LRIG2: variants seen among roughly 807,000 people sequenced by gnomAD.
LRIG2 encodes leucine-rich repeats and immunoglobulin-like domains protein 2.
LRIG2 carries 93 observed loss-of-function variants against 107.8 expected under a neutral mutation model. The ratio of observed to expected loss-of-function variants is 0.86; its 90% CI spans 0.73 to 1.03. The LOEUF (loss-of-function observed/expected upper bound fraction) is 1.03. LRIG2 is among the 50% of genes least tolerant of loss of function. The pLI, the probability that LRIG2 is intolerant of heterozygous loss-of-function variation, is 0.00. For missense variants in LRIG2, 1,226 were observed against 1,296.0 expected, an observed-to-expected ratio of 0.95 and a Z score of 0.83; for synonymous variants, 471 against 470.6, an observed-to-expected ratio of 1.00 and a Z score of -0.01.
At chr1:113,080,320 A>G (rs1194231650) in intron 1 of LRIG2, among the ~76,000 whole-genome samples, 3 of 146,052 alleles carry the variant, frequency 2.1e-5, no homozygotes, top group East Asian at 2.1e-4. Context: ...CCCCCAGCCT[A>G]TCAGGAGAAA....
chr1:113,089,676 CTTTTTTTTTTTT>C (rs35515644), intron 1 of LRIG2, among the ~76,000 whole-genome samples: 2 of 71,696 alleles, frequency 2.8e-5, no homozygotes, highest in Non-Finnish European at 5.1e-5. Flanking sequence ...AGGTGGATTG[CTTTTTTTTTTTT>C]TTTTTTTTTT....
At chr1:113,117,122 C>G (rs1036857848) in intron 16 of LRIG2, among the ~76,000 whole-genome samples, 7 of 152,198 alleles carry the variant, frequency 4.6e-5, no homozygotes, top group African/African-American at 1.2e-4. Context: ...CAGAGTTCTT[C>G]TCCCTCCACC....
rs536829104 is a variant in LRIG2 at position 113,130,510 on chromosome 1, C to T, written c.*6409C>T. The T allele has an allele frequency of 6.6e-6, 1 of 152,200 alleles. No homozygotes were observed. The highest frequency in any genetic ancestry group is 1.9e-4 in the East Asian group (1 of 5,182). 9.4% of individuals were successfully genotyped at this position (152,200 alleles called of 1,614,324 possible). A position where few individuals can be genotyped will look rare whatever the true frequency, so the allele number is the denominator to read the frequency against. ...TTGCTAATAAATTTTTGTGTAGGCT[C>T]TTTAGTAAATTTATCTGATAATGGA... On this transcript the variant is annotated 3_prime_UTR_variant, in exon 18 of 18. Transcript: ENST00000361127.
chr1:113,073,397 G>T lies in LRIG2; in HGVS notation c.-10G>T. The T allele has an allele frequency of 6.2e-7, 1 of 1,611,486 alleles. No individual in the cohort carries two copies. Among genetic ancestry groups the T allele is most frequent in the Non-Finnish European group, 8.5e-7 (1 of 1,177,952 alleles). ...AGCTCTTCTAGGCCACGTCCAGGTC[G>T]AGGGGGAAAATGGCGCCGGCGCCCC... On this transcript the variant is annotated 5_prime_UTR_variant, in exon 1 of 18. Transcript: ENST00000361127.
rs527329687 is a variant in LRIG2, at chr1:113,099,204, G to A, written c.1172+419G>A. On this transcript the variant is annotated intron_variant, in intron 9 of 17. Transcript: ENST00000361127. Reference sequence around the variant, plus strand: ...CCTGCTTCAGCCTCCCAAAGTGCCCGGATTATAGGTATGAGCCACTGAACT... The same window carrying A: ...CCTGCTTCAGCCTCCCAAAGTGCCCAGATTATAGGTATGAGCCACTGAACT... 2.2e-4 allele frequency among the ~76,000 whole-genome samples: 33 copies of A among 149,778 alleles called. 1 individual carries two copies. The South Asian group carries it at 5.5e-3, about 25-fold the overall frequency.
intron 17 of LRIG2, among the ~76,000 whole-genome samples, chr1:113,123,313 G>A (rs959820279): frequency 2.0e-5 from 3 of 152,102 alleles, no homozygotes; most frequent in Non-Finnish European, 4.4e-5. Context: ...GGTGGCTCAC[G>A]CCTGTAATCC....
At chr1:113,074,875 C>T (rs1652887974) in intron 1 of LRIG2, among the ~76,000 whole-genome samples, 1 of 138,162 alleles carries the variant, frequency 7.2e-6, no homozygotes, top group Non-Finnish European at 1.5e-5. Flanking sequence ...CGCCACTGCA[C>T]TCCAGCCTGA....
At chr1:113,083,269 A>G (rs1333450104) in intron 1 of LRIG2, among the ~76,000 whole-genome samples, 2 of 142,736 alleles carry the variant, frequency 1.4e-5, no homozygotes, top group African/African-American at 5.3e-5. Flanking sequence ...GGAACTCCTG[A>G]ACTCTAGTAA....
chr1:113,098,035 C>T (rs1041872033), intron 8 of LRIG2, among the ~76,000 whole-genome samples: 3 of 152,014 alleles, frequency 2.0e-5, no homozygotes, highest in African/African-American at 7.2e-5. Context: ...GAAGCAAAAG[C>T]GATTAAATAT....
chr1:113,112,235 G>A (rs1286274884), intron 13 of LRIG2, among the ~76,000 whole-genome samples: 1 of 152,174 alleles, frequency 6.6e-6, no homozygotes, highest in Admixed American at 6.6e-5. Flanking sequence ...TGAAGCTGCA[G>A]TGAGCTATGA....
rs1269936528 is a variant in LRIG2, at chr1:113,107,732, T to C, written c.1452T>C (p.Asn484=). ...PEWLAGQSIL[N]VDLKDFVCDD... ...GGCTAGCAGGGCAAAGCATCCTGAA[T>C]GTGGATCTGAAAGATTTTGTCTGTG... Residue 484 remains asparagine, a synonymous_variant, in exon 12 of 18, where the codon AAT becomes AAC. Coordinates refer to ENST00000361127, the MANE Select transcript of LRIG2 (RefSeq NM_014813.3). The C allele has an allele frequency of 6.2e-7, 1 of 1,613,476 alleles. No individual in the cohort carries two copies. Among genetic ancestry groups the C allele is most frequent in the Non-Finnish European group, 8.5e-7 (1 of 1,179,862 alleles).
chr1:113,087,885 G>A (rs960545660), intron 1 of LRIG2, among the ~76,000 whole-genome samples: 1 of 152,184 alleles, frequency 6.6e-6, no homozygotes, highest in African/African-American at 2.4e-5. Context: ...GCACCTCTGA[G>A]AATTGTTAAG....
At chr1:113,084,231 T>TTC (rs1653435978) in intron 1 of LRIG2, among the ~76,000 whole-genome samples, 1 of 148,276 alleles carries the variant, frequency 6.7e-6, no homozygotes, top group South Asian at 2.1e-4. Flanking sequence ...TTTTTTTTTT[T>TTC]CTGAGACAGA....
chr1:113,109,886 C>G (rs1284403511), intron 12 of LRIG2, among the ~76,000 whole-genome samples: 1 of 152,104 alleles, frequency 6.6e-6, no homozygotes, highest in Non-Finnish European at 1.5e-5. Flanking sequence ...TCTTGAAATC[C>G]TAATATAAGG....
intron 17 of LRIG2, among the ~76,000 whole-genome samples, chr1:113,122,394 T>C (rs1231334705): frequency 6.6e-6 from 1 of 152,120 alleles, no homozygotes; most frequent in African/African-American, 2.4e-5. Context: ...GCCTCTATTG[T>C]TCTTAAGAGA....
chr1:113,093,689 G>C lies in LRIG2; in HGVS notation c.515+125G>C, dbSNP rs1570741328. 8.4e-6 allele frequency: 4 copies of C among 476,490 alleles called. No homozygotes were observed. In the East Asian group the frequency reaches 2.2e-4, roughly 27 times the overall value. The allele number at this position is 476,490 out of a possible 1,614,324, so 29.5% of individuals were successfully genotyped here. A position where few individuals can be genotyped will look rare whatever the true frequency, so the allele number is the denominator to read the frequency against. On this transcript the variant is annotated intron_variant, in intron 4 of 17. Coordinates refer to ENST00000361127, the MANE Select transcript of LRIG2 (RefSeq NM_014813.3). ...CCTAATGCTAGATGACGAGTTAGTG[G>C]GTGCAGCGCACCAGCATGGCACATG...
At chr1:113,089,700 G>T (rs1176243512) in intron 1 of LRIG2, among the ~76,000 whole-genome samples, 1 of 6,406 alleles carries the variant, frequency 1.6e-4, no homozygotes, top group African/African-American at 1.8e-4. Flanking sequence ...TTTTTTTTTG[G>T]AGACAGAGTC....
intron 2 of LRIG2, among the ~76,000 whole-genome samples, chr1:113,092,902 T>C (rs1434030907): frequency 6.6e-6 from 1 of 151,162 alleles, no homozygotes; most frequent in Non-Finnish European, 1.5e-5. Context: ...GGTAGGAGAA[T>C]CACTTGAACC....
intron 1 of LRIG2, 56 bp downstream of exon 1, chr1:113,073,701 G>A (rs760722519): frequency 1.6e-4 from 244 of 1,519,632 alleles, no homozygotes; most frequent in Non-Finnish European, 2.0e-4. Flanking sequence ...TCCCTCTACA[G>A]GGGGCAGGCA....
Sources: gnomAD v4.1 joint callset for allele counts (sites outside exome capture counted in the v4.1 genomes callset) on GRCh38, gnomAD v4.1.1 for gene constraint, MANE v1.5 for transcripts, NCBI Gene and HGNC (gene_info 2026-07-23, HGNC 2026-07-21) for gene names.